SH3BGR: variants seen among roughly 807,000 people sequenced by gnomAD.
The protein encoded by SH3BGR is SH3 domain-binding glutamic acid-rich protein.
Under a neutral mutation model 24.5 loss-of-function variants are expected in SH3BGR, and 29 were observed. That is an observed-to-expected ratio of 1.18 (90% CI 0.88 to 1.61). The LOEUF is 1.61. SH3BGR is among the 40% of genes most tolerant of loss of function. SH3BGR has a pLI of 0.00. For missense variants in SH3BGR, 162 were observed against 205.8 expected, an observed-to-expected ratio of 0.79 and a Z score of 1.30; for synonymous variants, 55 against 65.7, an observed-to-expected ratio of 0.84 and a Z score of 0.79.
At chr21:39,479,310 GTGA>G (rs1569161010) in intron 3 of SH3BGR, among the ~76,000 whole-genome samples, 2 of 147,386 alleles carry the variant, frequency 1.4e-5, no homozygotes, top group African/African-American at 5.3e-5. Flanking sequence ...GGTCATGGTG[GTGA>G]TGGTGGTGGT....
chr21:39,509,071 A>G, intron 5 of SH3BGR, 44 bp downstream of exon 5: 3 of 1,538,066 alleles, frequency 2.0e-6, no homozygotes, highest in Non-Finnish European at 1.8e-6. Flanking sequence ...TCTGCTTAAT[A>G]AAAACATCTT....
At chr21:39,458,316 GTTTA>G (rs997366466) in intron 1 of SH3BGR, among the ~76,000 whole-genome samples, 9 of 151,958 alleles carry the variant, frequency 5.9e-5, no homozygotes, top group South Asian at 2.1e-4. Context: ...AATTTTTAAA[GTTTA>G]TTTATTTATT....
intron 1 of SH3BGR, among the ~76,000 whole-genome samples, chr21:39,453,144 G>A (rs370962176): frequency 2.6e-5 from 4 of 152,168 alleles, no homozygotes; most frequent in African/African-American, 7.2e-5. Context: ...AAAGGCAGCC[G>A]CTGAGTGCCA....
intron 3 of SH3BGR, among the ~76,000 whole-genome samples, chr21:39,494,319 A>G (rs2078357482): frequency 6.6e-6 from 1 of 151,602 alleles, no homozygotes; most frequent in South Asian, 2.1e-4. Flanking sequence ...ATGCCTTATG[A>G]AGAGTGAAGT....
chr21:39,462,240 C>A, intron 1 of SH3BGR, 135 bp from the exon 2 acceptor site: 2 of 623,828 alleles, frequency 3.2e-6, no homozygotes, highest in Non-Finnish European at 5.4e-6. Context: ...AGGTGTGATT[C>A]TATTATTTTC....
intron 3 of SH3BGR, among the ~76,000 whole-genome samples, chr21:39,487,185 C>G (rs1301637739): frequency 6.6e-6 from 1 of 152,148 alleles, no homozygotes; most frequent in Non-Finnish European, 1.5e-5. Flanking sequence ...CTCTGTCTCC[C>G]AGGCTGGAGT....
At chr21:39,462,629 A>T in intron 2 of SH3BGR, 69 bp downstream of exon 2, 1 of 1,111,232 alleles carries the variant, frequency 9.0e-7, no homozygotes, top group Non-Finnish European at 1.2e-6. Context: ...AAGCAGATTA[A>T]GTTTGAGTCA....
chr21:39,454,960 C>G (rs1325451517), intron 1 of SH3BGR, among the ~76,000 whole-genome samples: 1 of 152,228 alleles, frequency 6.6e-6, no homozygotes, highest in Non-Finnish European at 1.5e-5. Context: ...GGCATTGTTA[C>G]ATCCAGTTTG....
chr21:39,464,715 C>A (rs1006964857), intron 2 of SH3BGR, among the ~76,000 whole-genome samples: 1 of 152,128 alleles, frequency 6.6e-6, no homozygotes, highest in Non-Finnish European at 1.5e-5. Flanking sequence ...AACATGTGGT[C>A]CAGTTCAAAT....
chr21:39,473,193 T>A (rs1478274171), intron 2 of SH3BGR, among the ~76,000 whole-genome samples: 2 of 152,174 alleles, frequency 1.3e-5, no homozygotes, highest in East Asian at 3.8e-4. Flanking sequence ...AAGAAGGTAT[T>A]TGGTCTTAAA....
intron 3 of SH3BGR, among the ~76,000 whole-genome samples, chr21:39,494,792 T>C (rs2078365574): frequency 6.6e-6 from 1 of 152,104 alleles, no homozygotes; most frequent in African/African-American, 2.4e-5. Flanking sequence ...ATATTATTTC[T>C]GCTCCATTTG....
At chr21:39,495,880 C>T (rs561116808) in intron 3 of SH3BGR, among the ~76,000 whole-genome samples, 1 of 152,278 alleles carries the variant, frequency 6.6e-6, no homozygotes, top group East Asian at 1.9e-4. Flanking sequence ...TAATTCATTA[C>T]ATGAACTGAT....
chr21:39,447,923 T>A (rs2077529870), upstream of SH3BGR, among the ~76,000 whole-genome samples: 1 of 152,196 alleles, frequency 6.6e-6, no homozygotes, highest in Non-Finnish European at 1.5e-5. Flanking sequence ...AACTTTATCT[T>A]CTCACATTTC....
chr21:39,500,064 A>G (rs1569172252), intron 4 of SH3BGR, 149 bp downstream of exon 4: 1 of 628,584 alleles, frequency 1.6e-6, no homozygotes, highest in East Asian at 2.8e-5. Flanking sequence ...AGTAATTTCT[A>G]CTGATGTGTT....
intron 2 of SH3BGR, among the ~76,000 whole-genome samples, chr21:39,469,312 ATTTTTT>A (rs551958647): frequency 7.2e-6 from 1 of 138,500 alleles, no homozygotes; most frequent in Non-Finnish European, 1.6e-5. Context: ...GTCTTCTCTG[ATTTTTT>A]TTTTTAAGTT....
chr21:39,510,299 A>G (rs1224288509), intron 5 of SH3BGR, among the ~76,000 whole-genome samples: 1 of 152,118 alleles, frequency 6.6e-6, no homozygotes, highest in African/African-American at 2.4e-5. Flanking sequence ...TAAAAAATGC[A>G]GATAGAAGAG....
chr21:39,511,175 G>A lies in SH3BGR; in HGVS notation c.436-505G>A, dbSNP rs1336674417. 6.6e-6 allele frequency among the ~76,000 whole-genome samples: 1 copy of A among 150,686 alleles called. No individual in the cohort carries two copies. The highest frequency in any genetic ancestry group is 1.5e-5 in the Non-Finnish European group (1 of 67,514). ...TGGTGTATGTGTATTTGTGTGTGGT[G>A]TATATGGTGTGTGGTGTGTTTGGTG... On this transcript the variant is annotated intron_variant, in intron 5 of 6. Coordinates refer to ENST00000333634, the MANE Select transcript of SH3BGR (RefSeq NM_007341.3). This position sits in a 1 kb window ranked among gnomAD's most constrained non-coding sequence, Gnocchi z 4.2.
chr21:39,506,100 G>A (rs1470085340), intron 4 of SH3BGR, among the ~76,000 whole-genome samples: 1 of 152,160 alleles, frequency 6.6e-6, no homozygotes, highest in Non-Finnish European at 1.5e-5. Flanking sequence ...TATTTATCGA[G>A]CTTGCCTGTT....
At chr21:39,492,183 A>C (rs886285339) in intron 3 of SH3BGR, among the ~76,000 whole-genome samples, 1 of 152,040 alleles carries the variant, frequency 6.6e-6, no homozygotes, top group African/African-American at 2.4e-5. Flanking sequence ...CCCATCACCC[A>C]AGCAGTGTAC....
Sources: allele counts gnomAD v4.1 joint callset (sites outside exome capture counted in the v4.1 genomes callset), GRCh38; gene constraint gnomAD v4.1.1; non-coding constraint Gnocchi (gnomAD v3.1); transcripts MANE v1.5; gene names NCBI Gene and HGNC (gene_info 2026-07-23, HGNC 2026-07-21).